The following ZNF320 variants were observed in gnomAD, a reference collection of about 807,000 sequenced individuals.
ZNF320 encodes the protein zinc finger protein 320, also known as zinc finger gene 320.
Under a neutral mutation model 6.8 loss-of-function variants are expected in ZNF320, and 2 were observed. That is an observed-to-expected ratio of 0.29 (90% confidence interval 0.12 to 0.93). ZNF320 has a LOEUF of 0.93. Among genes scored for constraint, ZNF320 ranks in the 40% least tolerant of loss-of-function variants. The probability of loss-of-function intolerance (pLI) is 0.55; values close to 1 mark genes in which losing one functional copy is unlikely to be tolerated. For missense variants in ZNF320, 472 were observed against 611.0 expected, an observed-to-expected ratio of 0.77 and a Z score of 2.40; for synonymous variants, 208 against 203.2, an observed-to-expected ratio of 1.02 and a Z score of -0.20.
rs367634716 is a variant in ZNF320 at position 52,881,747 on chromosome 19, C to T, written c.379G>A (p.Asp127Asn). 29 of 1,613,880 alleles carry T rather than the reference C, an allele frequency of 1.8e-5. No individual in the cohort carries two copies. The highest frequency in any genetic ancestry group is 2.4e-5 in the Non-Finnish European group (28 of 1,179,894). Residue 127 changes from aspartate to asparagine, a missense_variant, in exon 6 of 6, where the codon GAT becomes AAT. Transcript: ENST00000682928. ...KKLTSSTDRY[D>N]QRHAGNKPIK... ...GGCTTGTTTCCAGCATGCCTTTGAT[C>T]ATATCGGTCTGTACTACTAGTCAAC...
At chr19:52,886,303 T>G (rs980938157) in intron 5 of ZNF320, among the ~76,000 whole-genome samples, 2 of 151,998 alleles carry the variant, frequency 1.3e-5, no homozygotes, top group African/African-American at 4.8e-5. Context: ...CCTGGCTAAT[T>G]TTTGTAAATT....
intron 2 of ZNF320, among the ~76,000 whole-genome samples, chr19:52,892,644 C>T (rs1351124417): frequency 6.6e-6 from 1 of 152,126 alleles, no homozygotes; most frequent in African/African-American, 2.4e-5. Flanking sequence ...TCTCTTGCTG[C>T]TCCTTCTCCC....
rs1454291244 is a variant in ZNF320 at position 52,879,161 on chromosome 19, T to C, written c.*1435A>G. The C allele has an allele frequency of 6.6e-6, 1 of 152,288 alleles. No homozygotes were observed. The allele number at this position is 152,288 out of a possible 1,614,324, so 9.4% of individuals were successfully genotyped here. ...TCTTGGTGCAAAAAATGTGATATCA[T>C]GCACAATTTTCTCATAATATGTATT... On this transcript the variant is annotated 3_prime_UTR_variant, in exon 6 of 6. Coordinates refer to ENST00000682928, the MANE Select transcript of ZNF320 (RefSeq NM_001351774.2).
chr19:52,891,399 AACC>A (rs2064286585), intron 2 of ZNF320, 53 bp from the exon 3 acceptor site: 1 of 152,034 alleles, frequency 6.6e-6, no homozygotes, highest in Non-Finnish European at 1.5e-5. Flanking sequence ...GAGATAATAA[AACC>A]TGAGTAACAT....
At chr19:52,889,910 C>T (rs1331463701) in intron 4 of ZNF320, among the ~76,000 whole-genome samples, 1 of 152,170 alleles carries the variant, frequency 6.6e-6, no homozygotes, top group African/African-American at 2.4e-5. Context: ...TCCTGGTCCA[C>T]GGAGAGCTGA....
In ZNF320 at chr19:52,891,275, C is replaced by T. The variant is rs1031256816; in HGVS notation, c.-120G>A. On this transcript the variant is annotated 5_prime_UTR_variant, in exon 3 of 6. Coordinates refer to ENST00000682928, the MANE Select transcript of ZNF320 (RefSeq NM_001351774.2). Reference sequence around the variant, plus strand: ...GGCTGAGGCACAAGAATCACTTGAACCCAGGAGACAGAGGTTGCAGTGAGC... The same window carrying T: ...GGCTGAGGCACAAGAATCACTTGAATCCAGGAGACAGAGGTTGCAGTGAGC... The T allele has an allele frequency of 1.3e-5, 2 of 151,986 alleles. No homozygotes were observed. Among genetic ancestry groups the T allele is most frequent in the Non-Finnish European group, 2.9e-5 (2 of 68,016 alleles). The allele number at this position is 151,986 out of a possible 1,614,324, so 9.4% of individuals were successfully genotyped here.
chr19:52,864,811 A>G (rs1251258160), intron 5 of ZNF320, among the ~76,000 whole-genome samples: 2 of 149,978 alleles, frequency 1.3e-5, no homozygotes, highest in Non-Finnish European at 3.0e-5. Flanking sequence ...CAGGAGATCG[A>G]GACCATCCTG....
At chr19:52,885,402 G>A (rs2064044430) in intron 5 of ZNF320, among the ~76,000 whole-genome samples, 1 of 151,998 alleles carries the variant, frequency 6.6e-6, no homozygotes, top group Admixed American at 6.6e-5. Flanking sequence ...ACAACAAGGA[G>A]TAAACCCTGT....
In ZNF320 at chr19:52,884,813, C is replaced by T. The variant is rs542056040; in HGVS notation, c.143-2830G>A. Among the ~76,000 whole-genome samples the T allele has an allele frequency of 2.0e-3, 297 of 152,294 alleles. 4 individuals carry two copies. In the South Asian group the frequency reaches 0.023, roughly 12 times the overall value. ...AGGAACAGGAGCATCTCATCATCAA[C>T]ATCACCACAGGCTGACAAATCTTAT... On this transcript the variant is annotated intron_variant, in intron 5 of 5. Coordinates refer to ENST00000682928, the MANE Select transcript of ZNF320 (RefSeq NM_001351774.2).
At chr19:52,900,874 C>G (rs2147916515), upstream of ZNF320, among the ~76,000 whole-genome samples, 1 of 151,854 alleles carries the variant, frequency 6.6e-6, no homozygotes, top group South Asian at 2.1e-4. Flanking sequence ...CTAGTATTGA[C>G]ACATCTCACA....
rs1181454661 is a variant in ZNF320 at position 52,880,795 on chromosome 19, C to T, written c.1331G>A (p.Gly444Asp). 6.2e-7 allele frequency: 1 copy of T among 1,613,874 alleles called. No individual in the cohort carries two copies. Among genetic ancestry groups the T allele is most frequent in the Admixed American group, 1.7e-5 (1 of 59,972 alleles). The change falls in exon 6 of 6, where the codon GGT becomes GAT. Residue 444 changes from glycine (G) to aspartate (D), a missense_variant. Transcript: ENST00000682928. ...TGAATTAAAGGCTTTACCACAATCA[C>T]CACACTTGTGAGGTTTCTCTCCTGT... ...IHTGEKPHKC[G>D]DCGKAFNSPS... is the part of the protein sequence containing the mutation.
At chr19:52,903,420 G>A in the ZNF320 span, among the ~76,000 whole-genome samples, 2 of 152,070 alleles carry the variant, frequency 1.3e-5, 1 homozygote, top group East Asian at 3.9e-4. Context: ...TAACTACTGT[G>A]GGGGGCGGGG....
upstream of ZNF320, among the ~76,000 whole-genome samples, chr19:52,901,114 GA>G (rs1220360401): frequency 3.9e-5 from 6 of 152,076 alleles, no homozygotes; most frequent in African/African-American, 1.4e-4. Context: ...GTAATCATGG[GA>G]GGCTTAAAAT....
At chr19:52,866,467 C>T (rs556628987) in intron 5 of ZNF320, among the ~76,000 whole-genome samples, 3 of 151,918 alleles carry the variant, frequency 2.0e-5, no homozygotes, top group African/African-American at 4.8e-5. Context: ...AGGACTCACA[C>T]GTCTTCATTC....
upstream of ZNF320, among the ~76,000 whole-genome samples, chr19:52,899,724 G>A (rs948113798): frequency 1.3e-5 from 2 of 152,228 alleles, no homozygotes; most frequent in Non-Finnish European, 2.9e-5. Flanking sequence ...GTCTCCCAAA[G>A]TGCTGGGATT....
Position 52,889,699 on chromosome 19 carries a change from T to G in ZNF320, c.15+542A>C, listed in dbSNP as rs1480307415. 3.9e-5 allele frequency among the ~76,000 whole-genome samples: 6 copies of G among 152,306 alleles called. No individual in the cohort carries two copies. The South Asian group carries it at 1.0e-3, about 26-fold the overall frequency. On this transcript the variant is annotated intron_variant, in intron 4 of 5. Coordinates refer to ENST00000682928, the MANE Select transcript of ZNF320 (RefSeq NM_001351774.2). ...CTTAAAATAATGATAGGATCATTCT[T>G]GTATCATTCATATCTATGTATGAAG...
chr19:52,884,406 C>T (rs2064013233), intron 5 of ZNF320, among the ~76,000 whole-genome samples: 1 of 152,122 alleles, frequency 6.6e-6, no homozygotes, highest in African/African-American at 2.4e-5. Context: ...CAACCTCCAC[C>T]TCATGGGTTC....
At chr19:52,866,216 TTATATATATGATTATACATATATA>T (rs1555814500) in intron 5 of ZNF320, among the ~76,000 whole-genome samples, 1 of 102,278 alleles carries the variant, frequency 9.8e-6, no homozygotes, top group Non-Finnish European at 2.0e-5. Flanking sequence ...ATACATATAT[TTATATATATGATTATACATATATA>T]TATATATAAA....
At chr19:52,863,233 C>A (rs2063496435) in exon 6 of ZNF320, among the ~76,000 whole-genome samples, 1 of 152,086 alleles carries the variant, frequency 6.6e-6, no homozygotes, top group Non-Finnish European at 1.5e-5. Context: ...ATATGTATTT[C>A]TATGAAATAT....
Sources: gnomAD v4.1 joint callset for allele counts (sites outside exome capture counted in the v4.1 genomes callset) on GRCh38, gnomAD v4.1.1 for gene constraint, MANE v1.5 for transcripts, NCBI Gene and HGNC (gene_info 2026-07-23, HGNC 2026-07-21) for gene names.